The following CD8B2 variants were observed in gnomAD, a reference collection of about 807,000 sequenced individuals.
CD8B2 encodes the protein T-cell surface glycoprotein CD8 beta-2 chain.
Under a neutral mutation model 23.7 loss-of-function variants are expected in CD8B2, and 11 were observed. That is an observed-to-expected ratio of 0.46 (90% CI 0.29 to 0.77). CD8B2 has a LOEUF of 0.77. Ranked by LOEUF, CD8B2 falls within the 30% of genes least tolerant of loss-of-function variation. The pLI is 0.09. For missense variants in CD8B2, 197 were observed against 270.5 expected (o/e 0.73, Z 1.91); for synonymous variants, 90 against 109.3 (o/e 0.82, Z 1.10).
At chr2:106,517,913 A>G (rs1040040818) in intron 5 of CD8B2, among the ~76,000 whole-genome samples, 3 of 151,924 alleles carry the variant, frequency 2.0e-5, no homozygotes, top group Non-Finnish European at 2.9e-5. Context: ...ACGGGGTTTC[A>G]CCGTGTTAGC....
intron 5 of CD8B2, among the ~76,000 whole-genome samples, chr2:106,530,469 C>T (rs946641337): frequency 6.6e-6 from 1 of 152,142 alleles, no homozygotes; most frequent in East Asian, 1.9e-4. Context: ...AGCTCCGCCT[C>T]CCGGGTTCAC....
chr2:106,519,178 T>C (rs12619999), intron 5 of CD8B2, among the ~76,000 whole-genome samples: 22,468 of 152,266 alleles, frequency 0.15, 1,968 homozygotes, highest in South Asian at 0.26. Flanking sequence ...GCTTTAGTCC[T>C]TGTGACCTGA....
At chr2:106,499,278 A>C (rs1573332731) in intron 3 of CD8B2, among the ~76,000 whole-genome samples, 1 of 152,212 alleles carries the variant, frequency 6.6e-6, no homozygotes, top group South Asian at 2.1e-4. Flanking sequence ...CACACCTATA[A>C]TCCCAGCACT....
At chr2:106,525,088 T>C (rs975941359) in intron 5 of CD8B2, among the ~76,000 whole-genome samples, 3 of 152,226 alleles carry the variant, frequency 2.0e-5, no homozygotes, top group African/African-American at 7.2e-5. Flanking sequence ...CTGAGGTTTT[T>C]CTTTGCCCTC....
intron 5 of CD8B2, among the ~76,000 whole-genome samples, chr2:106,533,336 C>A (rs547745663): frequency 4.6e-5 from 7 of 152,302 alleles, no homozygotes; most frequent in Non-Finnish European, 7.3e-5. Context: ...CTTTTGCAGC[C>A]ACTGGCTAGG....
At chr2:106,491,482 G>A (rs1679194546) in intron 2 of CD8B2, among the ~76,000 whole-genome samples, 1 of 152,212 alleles carries the variant, frequency 6.6e-6, no homozygotes, top group African/African-American at 2.4e-5. Flanking sequence ...CTTTAGGTGG[G>A]AATAAGATGA....
intron 5 of CD8B2, among the ~76,000 whole-genome samples, chr2:106,543,420 C>T (rs943558442): frequency 6.6e-6 from 1 of 152,108 alleles, no homozygotes; most frequent in Admixed American, 6.5e-5. Context: ...GTCCCAGCTA[C>T]TTGGGAGGCT....
At chr2:106,490,139 C>T (rs1052472967) in intron 1 of CD8B2, among the ~76,000 whole-genome samples, 32 of 152,024 alleles carry the variant, frequency 2.1e-4, no homozygotes, top group Non-Finnish European at 3.2e-4. Flanking sequence ...ACATGCTCTG[C>T]TGTGATTCTG....
intron 3 of CD8B2, among the ~76,000 whole-genome samples, chr2:106,497,785 C>T (rs1241733544): frequency 6.6e-6 from 1 of 152,132 alleles, no homozygotes; most frequent in African/African-American, 2.4e-5. Context: ...AAGTCCCATG[C>T]CCTGACCCCT....
intron 5 of CD8B2, among the ~76,000 whole-genome samples, chr2:106,534,767 C>T (rs1489707040): frequency 6.6e-6 from 1 of 152,108 alleles, no homozygotes; most frequent in Non-Finnish European, 1.5e-5. Flanking sequence ...AGCTACAGTT[C>T]AAAACACTGG....
rs937051324 is a variant in CD8B2, at chr2:106,509,306, A to G, written c.*2366A>G. On this transcript the variant is annotated 3_prime_UTR_variant, in exon 6 of 6. Transcript: ENST00000643224. ...CTTCCAAGGCTGAGGGGAGGGGTGAAAGAATTGGGGTCAGCTGGACCAGAC... is the reference window on the plus strand; with the variant it reads ...CTTCCAAGGCTGAGGGGAGGGGTGAGAGAATTGGGGTCAGCTGGACCAGAC... 6.6e-6 allele frequency: 1 copy of G among 152,014 alleles called. No individual in the cohort carries two copies. Among genetic ancestry groups the G allele is most frequent in the Non-Finnish European group, 1.5e-5 (1 of 68,004 alleles). 9.4% of individuals were successfully genotyped at this position (152,014 alleles called of 1,614,324 possible).
intron 5 of CD8B2, among the ~76,000 whole-genome samples, chr2:106,520,864 T>A (rs1192300262): frequency 1.3e-5 from 2 of 151,886 alleles, no homozygotes; most frequent in East Asian, 3.9e-4. Flanking sequence ...CGTGAGACTC[T>A]GTCTCAAAAC....
chr2:106,543,081 T>C (rs1680202584), intron 5 of CD8B2: 1 of 152,128 alleles, frequency 6.6e-6, no homozygotes, highest in South Asian at 2.1e-4. Context: ...GTTAACAGTG[T>C]AAAGAAAGTT....
intron 5 of CD8B2, among the ~76,000 whole-genome samples, chr2:106,528,521 T>C (rs1027326045): frequency 1.3e-5 from 2 of 152,212 alleles, no homozygotes; most frequent in African/African-American, 4.8e-5. Flanking sequence ...AAAAGAAATG[T>C]ATATCCTTTT....
intron 5 of CD8B2, among the ~76,000 whole-genome samples, chr2:106,543,455 C>T (rs1318648000): frequency 6.6e-6 from 1 of 152,164 alleles, no homozygotes; most frequent in South Asian, 2.1e-4. Context: ...TGCTTGAACC[C>T]GGAAGTTGAG....
chr2:106,529,847 G>A (rs1172375549), intron 5 of CD8B2, among the ~76,000 whole-genome samples: 2 of 152,194 alleles, frequency 1.3e-5, no homozygotes, highest in Non-Finnish European at 2.9e-5. Context: ...CATCACACAG[G>A]GCAAGCAGCG....
At chr2:106,519,463 G>C (rs1046078747) in intron 5 of CD8B2, among the ~76,000 whole-genome samples, 1 of 152,188 alleles carries the variant, frequency 6.6e-6, no homozygotes, top group Non-Finnish European at 1.5e-5. Flanking sequence ...TGAGGGTTCG[G>C]GGTAATATAA....
intron 5 of CD8B2, among the ~76,000 whole-genome samples, chr2:106,535,623 G>C (rs1319243930): frequency 6.6e-6 from 1 of 151,968 alleles, no homozygotes; most frequent in Non-Finnish European, 1.5e-5. Flanking sequence ...CCCACGCTTG[G>C]GTATACATCT....
At chr2:106,515,164 G>T (rs1310805368), downstream of CD8B2, among the ~76,000 whole-genome samples, 1 of 152,200 alleles carries the variant, frequency 6.6e-6, no homozygotes, top group Non-Finnish European at 1.5e-5. Flanking sequence ...AACCATCACA[G>T]CACCTCTGCT....
Sources: gnomAD v4.1 joint callset for allele counts (sites outside exome capture counted in the v4.1 genomes callset) on GRCh38, gnomAD v4.1.1 for gene constraint, MANE v1.5 for transcripts, NCBI Gene and HGNC (gene_info 2026-07-23, HGNC 2026-07-21) for gene names.